Variants in NEK4 observed in about 807,000 individuals in gnomAD.
NEK4 encodes NIMA related kinase 4.
A neutral mutation model predicts 98.4 loss-of-function variants in NEK4; 86 were observed. The ratio of observed to expected loss-of-function variants is 0.87; its 90% CI spans 0.73 to 1.05. The LOEUF is 1.05. Among genes scored for constraint, NEK4 ranks in the 50% least tolerant of loss-of-function variants. NEK4 has a pLI of 0.00. For synonymous variants in NEK4, 328 were observed against 342.2 expected, an observed-to-expected ratio of 0.96 and a Z score of 0.46; for missense variants, 898 against 950.3, an observed-to-expected ratio of 0.94 and a Z score of 0.72.
chr3:52,754,273 G>C lies in NEK4; in HGVS notation c.964-1937C>G, dbSNP rs1381767567. On this transcript the variant is annotated intron_variant, in intron 6 of 15. Coordinates refer to ENST00000233027, the MANE Select transcript of NEK4 (RefSeq NM_003157.6). ...GGTATTCCCATCTTTCACCTACTAG[G>C]TGATGCCACCTCAGATGAACTGGAT... 9 of 330,678 alleles carry C rather than the reference G, an allele frequency of 2.7e-5. No homozygotes were observed. The Admixed American group carries it at 3.5e-4, about 13-fold the overall frequency. The allele number at this position is 330,678 out of a possible 1,614,324, so 20.5% of individuals were successfully genotyped here. A position where few individuals can be genotyped will look rare whatever the true frequency, so the allele number is the denominator to read the frequency against.
intron 15 of NEK4, among the ~76,000 whole-genome samples, chr3:52,736,953 T>C (rs1359245990): frequency 6.6e-6 from 1 of 152,214 alleles, no homozygotes; most frequent in Non-Finnish European, 1.5e-5. Flanking sequence ...TTTATTTTTT[T>C]TGAGACAGAG....
chr3:52,736,587 T>TAA (rs546567809), intron 15 of NEK4, among the ~76,000 whole-genome samples: 6 of 119,178 alleles, frequency 5.0e-5, no homozygotes, highest in South Asian at 2.6e-4. Context: ...CTCCGTCTCA[T>TAA]AAAAAAAAAA....
rs2097347960 is a variant in NEK4, at chr3:52,709,290, TC to T, written c.*2486del. 1 of 151,978 alleles carries T rather than the reference TC, an allele frequency of 6.6e-6. No homozygotes were observed. The highest frequency in any genetic ancestry group is 1.9e-4 in the East Asian group (1 of 5,196). The allele number at this position is 151,978 out of a possible 1,614,324, so 9.4% of individuals were successfully genotyped here. A position where few individuals can be genotyped will look rare whatever the true frequency, so the allele number is the denominator to read the frequency against. ...GGTATATTCGGAAGAAAATTCACAG[TC>T]TTAAAGATGAGTTTTTAAATTAATT... On this transcript the variant is annotated 3_prime_UTR_variant, in exon 16 of 16. Transcript: ENST00000233027.
chr3:52,727,691 G>C (rs182415766), intron 15 of NEK4, among the ~76,000 whole-genome samples: 1 of 152,204 alleles, frequency 6.6e-6, no homozygotes. Flanking sequence ...GGGCTGGTGT[G>C]AACTCCTGAC....
At chr3:52,724,690 G>A (rs1325180411) in intron 15 of NEK4, among the ~76,000 whole-genome samples, 3 of 152,208 alleles carry the variant, frequency 2.0e-5, no homozygotes. Context: ...GCAGGTGTTG[G>A]TCAAAGGGTA....
At chr3:52,738,532 C>A (rs2097380232) in intron 14 of NEK4, among the ~76,000 whole-genome samples, 1 of 151,844 alleles carries the variant, frequency 6.6e-6, no homozygotes, top group African/African-American at 2.4e-5. Flanking sequence ...CTCACTGCAG[C>A]CTCAACCTCC....
intron 15 of NEK4, among the ~76,000 whole-genome samples, chr3:52,714,491 C>T (rs1314286762): frequency 1.3e-5 from 2 of 152,310 alleles, no homozygotes; most frequent in East Asian, 3.9e-4. Flanking sequence ...CGCCCACCTT[C>T]GCATGGTCGG....
At chr3:52,734,894 T>A in intron 15 of NEK4, 1 of 244,862 alleles carries the variant, frequency 4.1e-6, no homozygotes. Flanking sequence ...ACAAAGCCAG[T>A]CTTAGAATAT....
Position 52,711,043 on chromosome 3 carries a change from A to C in NEK4, c.*734T>G, listed in dbSNP as rs912076007. ...TAAATGGACCTGGACTTTGCTTACA[A>C]ATTGCTTAAATGGAAATGAAATTTG... On this transcript the variant is annotated 3_prime_UTR_variant, in exon 16 of 16. Coordinates refer to ENST00000233027, the MANE Select transcript of NEK4 (RefSeq NM_003157.6). The C allele has an allele frequency of 6.5e-6, 1 of 152,692 alleles. No homozygotes were observed. The highest frequency in any genetic ancestry group is 2.4e-5 in the African/African-American group (1 of 41,466). 9.5% of individuals were successfully genotyped at this position (152,692 alleles called of 1,614,324 possible).
rs555958089 is a variant in NEK4 at position 52,766,660 on chromosome 3, T to C, written c.361-285A>G. On this transcript the variant is annotated intron_variant, in intron 2 of 15. Coordinates refer to ENST00000233027, the MANE Select transcript of NEK4 (RefSeq NM_003157.6). ...CTGTTCCCTGGTAGCTTGACAATTA[T>C]ACCATTTTGGCATTACATGAATCCA... Among the ~76,000 whole-genome samples, 13 of 152,376 alleles carry C rather than the reference T, an allele frequency of 8.5e-5. No homozygotes were observed. In the East Asian group the frequency reaches 2.3e-3, roughly 27 times the overall value.
Position 52,752,264 on chromosome 3 carries a change from C to A in NEK4, c.1036G>T (p.Ala346Ser), listed in dbSNP as rs1208589070. The A allele has an allele frequency of 6.2e-7, 1 of 1,614,202 alleles. No homozygotes were observed. The highest frequency in any genetic ancestry group is 1.3e-5 in the African/African-American group (1 of 75,060). The change falls in exon 7 of 16, where the codon GCC (alanine) becomes TCC (serine). Residue 346 changes from alanine to serine, a missense_variant. Transcript: ENST00000233027. The part of the protein sequence containing the change: ...GLLKSPASLK[A>S]HTCKQDLSNT... ...CTCAAGTCCTGTTTGCAGGTATGGG[C>A]TTTCAGACTGGCAGGTGACTTCAAG...
At position 52,752,931 on chromosome 3, in the gene NEK4, T is replaced by TACACACACAC. The variant is rs1193888628; in HGVS notation, c.964-596_964-595insGTGTGTGTGT. Among the ~76,000 whole-genome samples the TACACACACAC allele has an allele frequency of 3.7e-4, 21 of 56,150 alleles. 1 individual carries two copies. The highest frequency in any genetic ancestry group is 7.3e-4 in the Admixed American group (3 of 4,110). The allele number at this position is 56,150 out of a possible 152,430, so 36.8% of individuals were successfully genotyped here. ...AAAAAAAAAAAAATATATATATATATATACACACACACACACACACACAAT... is the reference window on the plus strand; with the variant it reads ...AAAAAAAAAAAAATATATATATATATACACACACACATACACACACACACACACACACAAT... On this transcript the variant is annotated intron_variant, in intron 6 of 15. Transcript: ENST00000233027.
chr3:52,715,228 T>C (rs1459814435), intron 15 of NEK4, among the ~76,000 whole-genome samples: 1 of 152,214 alleles, frequency 6.6e-6, no homozygotes, highest in African/African-American at 2.4e-5. Context: ...CTAAAAGCCC[T>C]GGGCTCAGCC....
rs2097399309 is a variant in NEK4, at chr3:52,748,052, T to C, written c.1507-1148A>G. ...TCGGCTCACTGCAAGCTCCTCCTCC[T>C]GGGTTCACGCCATTCTCCTGCCTCA... On this transcript the variant is annotated intron_variant, in intron 8 of 15. Transcript: ENST00000233027. Among the ~76,000 whole-genome samples the C allele has an allele frequency of 2.0e-5, 3 of 151,898 alleles. No homozygotes were observed. The South Asian group carries it at 6.2e-4, about 31-fold the overall frequency.
chr3:52,711,694 C>G lies in NEK4; in HGVS notation c.*83G>C. 1 of 809,554 alleles carries G rather than the reference C, an allele frequency of 1.2e-6. No homozygotes were observed. The highest frequency in any genetic ancestry group is 2.1e-6 in the Non-Finnish European group (1 of 468,980). The allele number at this position is 809,554 out of a possible 1,614,324, so 50.1% of individuals were successfully genotyped here. A position where few individuals can be genotyped will look rare whatever the true frequency, so the allele number is the denominator to read the frequency against. On this transcript the variant is annotated 3_prime_UTR_variant, in exon 16 of 16. Coordinates refer to ENST00000233027, the MANE Select transcript of NEK4 (RefSeq NM_003157.6). ...ATATAAAACAGTGGTGAGTGGCTTC[C>G]AAATGACTGTTTGCCCTTGCTTTTT...
intron 6 of NEK4, chr3:52,754,286 A>C (rs2097410816): frequency 2.9e-6 from 1 of 340,056 alleles, no homozygotes; most frequent in African/African-American, 2.1e-5. Context: ...ATGCCACCTC[A>C]GATGAACTGG....
At chr3:52,747,006 A>G in intron 8 of NEK4, 102 bp from the exon 9 acceptor site, 1 of 861,758 alleles carries the variant, frequency 1.2e-6, no homozygotes, top group Non-Finnish European at 1.8e-6. Context: ...TTTTAGCATG[A>G]AAACTTTCCT....
At chr3:52,758,380 A>T (rs879287749) in intron 6 of NEK4, among the ~76,000 whole-genome samples, 4 of 152,072 alleles carry the variant, frequency 2.6e-5, no homozygotes, top group African/African-American at 7.2e-5. Flanking sequence ...ACACTTACAA[A>T]TGGTTAAAAT....
intron 15 of NEK4, among the ~76,000 whole-genome samples, chr3:52,715,465 C>A (rs1578614415): frequency 6.6e-6 from 1 of 152,260 alleles, no homozygotes; most frequent in East Asian, 1.9e-4. Context: ...TGGCTCACTG[C>A]AACCTCTGCC....
Sources: gnomAD v4.1 joint callset for allele counts (sites outside exome capture counted in the v4.1 genomes callset) on GRCh38, gnomAD v4.1.1 for gene constraint, MANE v1.5 for transcripts, NCBI Gene and HGNC (gene_info 2026-07-23, HGNC 2026-07-21) for gene names.